Variants in PNLIPRP3 observed in about 807,000 individuals in gnomAD.
The protein encoded by PNLIPRP3 is pancreatic lipase-related protein 3.
In PNLIPRP3, 58 loss-of-function variants were observed where a neutral mutation model predicts 52.8. The observed-to-expected ratio is 1.10, with a 90% CI of 0.89 to 1.37. The LOEUF is 1.37. Among genes scored for constraint, PNLIPRP3 ranks in the 40% most tolerant of loss-of-function variants. PNLIPRP3 has a pLI of 0.00. For missense variants in PNLIPRP3, 593 were observed against 561.6 expected, an observed-to-expected ratio of 1.06 and a Z score of -0.57; for synonymous variants, 192 against 185.0, an observed-to-expected ratio of 1.04 and a Z score of -0.31.
At chr10:116,440,117 T>G in intron 2 of PNLIPRP3, 1 of 646,298 alleles carries the variant, frequency 1.5e-6, no homozygotes, top group Non-Finnish European at 2.8e-6. Context: ...TACAAGTATT[T>G]GGGGGCACCT....
At chr10:116,470,966 G>C (rs909163887) in intron 9 of PNLIPRP3, among the ~76,000 whole-genome samples, 1 of 152,164 alleles carries the variant, frequency 6.6e-6, no homozygotes, top group African/African-American at 2.4e-5. Context: ...GGTTTCAGTG[G>C]AGAGACAGCA....
At chr10:116,459,059 T>G (rs1292290698) in intron 5 of PNLIPRP3, among the ~76,000 whole-genome samples, 1 of 152,148 alleles carries the variant, frequency 6.6e-6, no homozygotes, top group Admixed American at 6.5e-5. Context: ...AGTGGACCCC[T>G]CCCGCCTTGC....
chr10:116,454,350 C>T (rs1338540797), intron 4 of PNLIPRP3, among the ~76,000 whole-genome samples: 1 of 152,136 alleles, frequency 6.6e-6, no homozygotes, highest in Non-Finnish European at 1.5e-5. Context: ...GAACTCCTGA[C>T]CTCGTGATCT....
intron 1 of PNLIPRP3, 74 bp downstream of exon 1, chr10:116,428,135 A>C: frequency 9.2e-7 from 1 of 1,087,432 alleles, no homozygotes. Flanking sequence ...ATTGACATGA[A>C]CTTATTCTTT....
In PNLIPRP3 at chr10:116,427,946, T is replaced by C. The variant is rs1214689782; in HGVS notation, c.-67T>C. On this transcript the variant is annotated 5_prime_UTR_variant, in exon 1 of 12. Transcript: ENST00000369230. ...GTGAGGAAAACCACTTAGTATTTTATAGTGAGGTGACTTTACAAGTAAAGA... is the reference window on the plus strand; with the variant it reads ...GTGAGGAAAACCACTTAGTATTTTACAGTGAGGTGACTTTACAAGTAAAGA... 3 of 1,216,588 alleles carry C rather than the reference T, an allele frequency of 2.5e-6. No homozygotes were observed. Among genetic ancestry groups the C allele is most frequent in the South Asian group, 1.2e-5 (1 of 80,306 alleles). 75.4% of individuals were successfully genotyped at this position (1,216,588 alleles called of 1,614,324 possible). A position where few individuals can be genotyped will look rare whatever the true frequency, so the allele number is the denominator to read the frequency against.
intron 4 of PNLIPRP3, among the ~76,000 whole-genome samples, chr10:116,451,262 C>T (rs1399702196): frequency 1.3e-5 from 2 of 151,988 alleles, no homozygotes; most frequent in African/African-American, 4.8e-5. Context: ...ACACTATATA[C>T]ACACACACAC....
At chr10:116,465,149 C>T (rs978097152) in intron 7 of PNLIPRP3, among the ~76,000 whole-genome samples, 7 of 152,136 alleles carry the variant, frequency 4.6e-5, no homozygotes, top group Admixed American at 2.6e-4. Flanking sequence ...GCAGGTAGTC[C>T]CCAGAGTGTG....
chr10:116,476,986 T>C (rs1846480156), intron 11 of PNLIPRP3, 104 bp from the exon 12 acceptor site: 1 of 1,190,276 alleles, frequency 8.4e-7, no homozygotes, highest in Non-Finnish European at 1.2e-6. Context: ...TGTGCAGAAG[T>C]GTTAGAAAAT....
At chr10:116,469,380 G>C in intron 9 of PNLIPRP3, 63 bp downstream of exon 9, 2 of 1,468,058 alleles carry the variant, frequency 1.4e-6, no homozygotes, top group Non-Finnish European at 1.8e-6. Context: ...AAATTCAACA[G>C]TTTTTATTGA....
At chr10:116,457,352 G>A (rs975407175) in intron 5 of PNLIPRP3, among the ~76,000 whole-genome samples, 6 of 150,028 alleles carry the variant, frequency 4.0e-5, no homozygotes, top group African/African-American at 1.5e-4. Flanking sequence ...GCATGTGTGT[G>A]TACGTGCTCG....
chr10:116,467,310 A>C (rs1846295705), intron 8 of PNLIPRP3, among the ~76,000 whole-genome samples: 1 of 152,120 alleles, frequency 6.6e-6, no homozygotes, highest in South Asian at 2.1e-4. Context: ...GAGATCTCTT[A>C]AGCCCAGAAA....
At chr10:116,442,371 C>A (rs1253388526) in intron 2 of PNLIPRP3, among the ~76,000 whole-genome samples, 1 of 152,108 alleles carries the variant, frequency 6.6e-6, no homozygotes, top group African/African-American at 2.4e-5. Flanking sequence ...GGTGGACAAC[C>A]TCCATTTTGC....
At chr10:116,431,987 C>A (rs1845714948) in intron 1 of PNLIPRP3, among the ~76,000 whole-genome samples, 1 of 152,190 alleles carries the variant, frequency 6.6e-6, no homozygotes, top group Non-Finnish European at 1.5e-5. Context: ...CTCACCTAAA[C>A]ACACAAACAC....
chr10:116,472,154 C>T (rs7906587), intron 10 of PNLIPRP3, among the ~76,000 whole-genome samples: 19,746 of 152,010 alleles, frequency 0.13, 1,859 homozygotes, highest in African/African-American at 0.25. Context: ...AAAAAACTGA[C>T]GGTATTCAAG....
chr10:116,455,603 C>G, intron 4 of PNLIPRP3, 119 bp from the exon 5 acceptor site: 1 of 707,660 alleles, frequency 1.4e-6, no homozygotes, highest in South Asian at 1.9e-5. Flanking sequence ...TTACCAGTCC[C>G]TGTCTTATGT....
At position 116,427,891 on chromosome 10, in the gene PNLIPRP3, C is replaced by T. The variant is rs566927270; in HGVS notation, c.-122C>T. 1.2e-3 allele frequency: 922 copies of T among 743,744 alleles called. 4 individuals are homozygous for T. The highest frequency in any genetic ancestry group is 4.1e-3 in the South Asian group (260 of 62,774). The allele number at this position is 743,744 out of a possible 1,614,324, so 46.1% of individuals were successfully genotyped here. Reference sequence around the variant, plus strand: ...AGGTGGAATAACATGTTCTTTTAAACGTAGAGTTTAAACATTGAGTTGCAT... The same window carrying T: ...AGGTGGAATAACATGTTCTTTTAAATGTAGAGTTTAAACATTGAGTTGCAT... On this transcript the variant is annotated 5_prime_UTR_variant, in exon 1 of 12. It adds an upstream start codon to the 5' untranslated region. Coordinates refer to ENST00000369230, the MANE Select transcript of PNLIPRP3 (RefSeq NM_001011709.3).
intron 1 of PNLIPRP3, 52 bp from the exon 2 acceptor site, chr10:116,436,659 C>T: frequency 6.8e-7 from 1 of 1,463,330 alleles, no homozygotes; most frequent in Non-Finnish European, 9.1e-7. Context: ...AGAAACACAG[C>T]CTCTCTCTAA....
At chr10:116,431,925 G>C (rs1419670804) in intron 1 of PNLIPRP3, among the ~76,000 whole-genome samples, 1 of 151,902 alleles carries the variant, frequency 6.6e-6, no homozygotes, top group Non-Finnish European at 1.5e-5. Flanking sequence ...CTCCCCCCCA[G>C]GTCTTGATGC....
intron 1 of PNLIPRP3, among the ~76,000 whole-genome samples, chr10:116,430,851 C>T (rs1845700568): frequency 6.6e-6 from 1 of 152,104 alleles, no homozygotes; most frequent in Non-Finnish European, 1.5e-5. Flanking sequence ...ACCATTTATG[C>T]TAATGACTTC....
Sources: gnomAD v4.1 joint callset for allele counts (sites outside exome capture counted in the v4.1 genomes callset) on GRCh38, gnomAD v4.1.1 for gene constraint, MANE v1.5 for transcripts, NCBI Gene and HGNC (gene_info 2026-07-23, HGNC 2026-07-21) for gene names.